TCP11: variants seen among roughly 807,000 people sequenced by gnomAD.
TCP11 encodes t-complex 11, also known as T-complex protein 11 homolog.
In TCP11, 34 loss-of-function variants were observed where a neutral mutation model predicts 45.0. The ratio of observed to expected loss-of-function variants is 0.76; its 90% CI spans 0.57 to 1.01. The LOEUF is 1.01. TCP11 is among the 50% of genes least tolerant of loss of function. The probability of loss-of-function intolerance (pLI) is 0.00; values close to 1 mark genes in which losing one functional copy is unlikely to be tolerated. For synonymous variants in TCP11, 227 were observed against 227.0 expected (o/e 1.00, Z 0.00); for missense variants, 523 against 598.1 (o/e 0.87, Z 1.31).
intron 3 of TCP11, among the ~76,000 whole-genome samples, chr6:35,130,498 C>T (rs981134365): frequency 6.6e-6 from 1 of 151,896 alleles, no homozygotes; most frequent in African/African-American, 2.4e-5. Context: ...ACTCTTAAAA[C>T]GCAACAATAG....
Position 35,120,163 on chromosome 6 carries a change from A to T in TCP11, c.1111T>A (p.Ser371Thr), listed in dbSNP as rs763812558. 6.2e-7 allele frequency: 1 copy of T among 1,613,854 alleles called. No individual in the cohort carries two copies. The highest frequency in any genetic ancestry group is 1.3e-5 in the African/African-American group (1 of 74,934). ...ITKSLLEDFHSRPEEAILTVS... is the reference protein window; with the variant it reads ...ITKSLLEDFHTRPEEAILTVS... ...AAAAGTAACTATGCAGCTCACCTGG[A>T]GTGAAAGTCTTCCAACAAGGATTTG... The change falls in exon 8 of 10, where the codon TCC becomes ACC. Residue 371 changes from serine (S) to threonine (T), a missense_variant. This residue lies in a region of TCP11 where 298 missense variants were observed against 387.9 expected (regional missense o/e 0.77). Coordinates refer to ENST00000311875, the MANE Select transcript of TCP11 (RefSeq NM_001370687.1). The surrounding 1 kb of genome is among the most constrained non-coding windows in gnomAD (Gnocchi z 4.9).
Position 35,141,323 on chromosome 6 carries a change from G to T in TCP11, c.-133C>A. 4.0e-6 allele frequency: 5 copies of T among 1,236,146 alleles called. No homozygotes were observed. The South Asian group carries it at 1.4e-4, about 34-fold the overall frequency. The allele number at this position is 1,236,146 out of a possible 1,614,324, so 76.6% of individuals were successfully genotyped here. A position where few individuals can be genotyped will look rare whatever the true frequency, so the allele number is the denominator to read the frequency against. On this transcript the variant is annotated 5_prime_UTR_variant, in exon 1 of 10. Coordinates refer to ENST00000311875, the MANE Select transcript of TCP11 (RefSeq NM_001370687.1). ...GGTTGGGGCGTCGCACGGTGAGAAA[G>T]GCCGGGGCCTGAGAACAAACCGCCG...
intron 4 of TCP11, among the ~76,000 whole-genome samples, chr6:35,126,188 T>A (rs994190643): frequency 6.6e-6 from 1 of 152,210 alleles, no homozygotes; most frequent in Admixed American, 6.5e-5. Flanking sequence ...ATTAAATAAA[T>A]TTTTTAAAGC....
intron 4 of TCP11, among the ~76,000 whole-genome samples, chr6:35,125,865 G>A (rs1779767472): frequency 6.6e-6 from 1 of 152,182 alleles, no homozygotes; most frequent in Admixed American, 6.5e-5. Context: ...CTACAATATG[G>A]ATGGACCTTT....
intron 2 of TCP11, chr6:35,140,536 T>C (rs1294041629): frequency 3.0e-6 from 2 of 662,392 alleles, no homozygotes; most frequent in Admixed American, 2.0e-5. Context: ...ATTCAAGTAA[T>C]CACGCTTGGG....
chr6:35,140,691 ACC>A, intron 2 of TCP11, 54 bp downstream of exon 2: 1 of 1,032,336 alleles, frequency 9.7e-7, no homozygotes, highest in Non-Finnish European at 1.4e-6. Context: ...GGGCCTGCGG[ACC>A]CCCCACACTA....
rs569547384 is a variant in TCP11, at chr6:35,118,453, T to C, written c.1328A>G (p.Gln443Arg). ...FLKCCLVLGV[Q>R]RSLLDLPGGL... ...TCCAGGAAGGTCTAATAGAGACCGC[T>C]GCACACCAAGAACCAAACAGCATTT... Residue 443 changes from glutamine to arginine, a missense_variant, in exon 10 of 10, where the codon CAG (glutamine) becomes CGG (arginine). This residue lies in a region of TCP11 where 298 missense variants were observed against 387.9 expected (regional missense o/e 0.77). Coordinates refer to ENST00000311875, the MANE Select transcript of TCP11 (RefSeq NM_001370687.1). The C allele has an allele frequency of 2.7e-5, 43 of 1,614,166 alleles. No homozygotes were observed. Among genetic ancestry groups the C allele is most frequent in the Non-Finnish European group, 3.4e-5 (40 of 1,180,012 alleles).
intron 2 of TCP11, among the ~76,000 whole-genome samples, chr6:35,139,712 T>A (rs1035317471): frequency 1.3e-5 from 2 of 152,208 alleles, no homozygotes; most frequent in African/African-American, 4.8e-5. Flanking sequence ...ATAAGACTTC[T>A]GTTGCTCAAA....
At chr6:35,133,134 T>C (rs1056309037) in intron 3 of TCP11, among the ~76,000 whole-genome samples, 5 of 152,194 alleles carry the variant, frequency 3.3e-5, no homozygotes, top group African/African-American at 1.2e-4. Flanking sequence ...ATTTTATTTT[T>C]CAATTGTTTT....
intron 8 of TCP11, 57 bp from the exon 9 acceptor site, chr6:35,119,448 G>A (rs564340717): frequency 6.3e-7 from 1 of 1,590,230 alleles, no homozygotes; most frequent in African/African-American, 1.3e-5. Flanking sequence ...CATAGGCCCA[G>A]GGCCCAGCAT....
intron 2 of TCP11, among the ~76,000 whole-genome samples, chr6:35,139,690 T>C (rs1448223673): frequency 2.6e-5 from 4 of 152,200 alleles, no homozygotes; most frequent in Non-Finnish European, 4.4e-5. Flanking sequence ...TCAAAGTTCA[T>C]AGCCTGCCTT....
chr6:35,140,264 A>G, intron 2 of TCP11: 1 of 1,447,700 alleles, frequency 6.9e-7, no homozygotes, highest in Non-Finnish European at 9.3e-7. Flanking sequence ...TCCCAGTGAG[A>G]CTGGACCTAC....
At chr6:35,126,347 C>T (rs547728546) in intron 4 of TCP11, among the ~76,000 whole-genome samples, 1 of 152,274 alleles carries the variant, frequency 6.6e-6, no homozygotes, top group South Asian at 2.1e-4. Flanking sequence ...CCCTGTTTGC[C>T]ATGCTTCTGT....
At chr6:35,126,226 G>T (rs1005681619) in intron 4 of TCP11, among the ~76,000 whole-genome samples, 2 of 152,192 alleles carry the variant, frequency 1.3e-5, no homozygotes, top group Non-Finnish European at 2.9e-5. Context: ...CCCCAGGGAG[G>T]ATCAGTCAGC....
At position 35,121,056 on chromosome 6, in the gene TCP11, G is replaced by A; in HGVS notation, c.579-11C>T. 6.3e-7 allele frequency: 1 copy of A among 1,593,940 alleles called. No individual in the cohort carries two copies. Among genetic ancestry groups the A allele is most frequent in the Non-Finnish European group, 8.6e-7 (1 of 1,168,984 alleles). ...ACCTGGAAGATCCCTCTGACACAGG[G>A]GGAAAGAGAATATTTATACTACTAA... On this transcript the variant is annotated splice_polypyrimidine_tract_variant and intron_variant, in intron 5 of 9. Transcript: ENST00000311875.
At chr6:35,119,461 T>C (rs528291184) in intron 8 of TCP11, 70 bp from the exon 9 acceptor site, 8 of 1,549,540 alleles carry the variant, frequency 5.2e-6, no homozygotes, top group Admixed American at 3.7e-5. Context: ...CCCAGCATGC[T>C]GTATACCAGA....
intron 4 of TCP11, among the ~76,000 whole-genome samples, chr6:35,125,426 A>G (rs1167757978): frequency 2.0e-5 from 3 of 152,204 alleles, no homozygotes; most frequent in Non-Finnish European, 4.4e-5. Context: ...CAGATGCTCA[A>G]TATCACTAGC....
chr6:35,120,097 C>G lies in TCP11; in HGVS notation c.1115+62G>C. The G allele has an allele frequency of 1.3e-6, 2 of 1,559,528 alleles. No homozygotes were observed. Among genetic ancestry groups the G allele is most frequent in the Non-Finnish European group, 1.7e-6 (2 of 1,149,334 alleles). On this transcript the variant is annotated intron_variant, in intron 8 of 9. Transcript: ENST00000311875. This position sits in a 1 kb window ranked among gnomAD's most constrained non-coding sequence, Gnocchi z 4.9. ...GTAGACAGTAAGCAATCGTTCATTA[C>G]CTGCCTATGTTCTAAATACCACATA...
chr6:35,140,667 C>A, intron 2 of TCP11, 80 bp downstream of exon 2: 2 of 750,946 alleles, frequency 2.7e-6, no homozygotes, highest in Non-Finnish European at 4.7e-6. Flanking sequence ...AGAGAGAAAA[C>A]TTGGGGGATG....
Sources: allele counts gnomAD v4.1 joint callset (sites outside exome capture counted in the v4.1 genomes callset), GRCh38; gene constraint gnomAD v4.1.1; regional missense constraint gnomAD v4.1.1; non-coding constraint Gnocchi (gnomAD v3.1); transcripts MANE v1.5; gene names NCBI Gene and HGNC (gene_info 2026-07-23, HGNC 2026-07-21).